Variants in ANKRD1 observed in about 807,000 individuals in gnomAD.
ANKRD1 encodes ankyrin repeat domain 1.
In ANKRD1, 32 loss-of-function variants were observed where a neutral mutation model predicts 40.1. The ratio of observed to expected loss-of-function variants is 0.80; its 90% CI spans 0.60 to 1.07. The LOEUF (loss-of-function observed/expected upper bound fraction) is 1.07. ANKRD1 is among the 50% of genes least tolerant of loss of function. ANKRD1 has a pLI of 0.00. For missense variants in ANKRD1, 359 were observed against 386.0 expected, an observed-to-expected ratio of 0.93 and a Z score of 0.59; for synonymous variants, 149 against 141.2, an observed-to-expected ratio of 1.06 and a Z score of -0.39.
At chr10:90,915,476 C>A in intron 8 of ANKRD1, 67 bp downstream of exon 8, 3 of 1,405,266 alleles carry the variant, frequency 2.1e-6, no homozygotes, top group South Asian at 1.2e-5. Flanking sequence ...AGTCGTTTCA[C>A]CTATTTAAGA....
intron 5 of ANKRD1, among the ~76,000 whole-genome samples, chr10:90,917,374 T>G (rs766782157): frequency 6.6e-6 from 1 of 152,264 alleles, no homozygotes; most frequent in Non-Finnish European, 1.5e-5. Flanking sequence ...AATTCGTATA[T>G]GTTGCTGGCA....
At chr10:90,917,923 C>T in intron 4 of ANKRD1, 93 bp from the exon 5 acceptor site, 4 of 1,010,706 alleles carry the variant, frequency 4.0e-6, no homozygotes, top group Non-Finnish European at 6.0e-6. Context: ...ATTCTGATGA[C>T]CTAACTGATA....
At position 90,915,557 on chromosome 10, in the gene ANKRD1, T is replaced by G; in HGVS notation, c.835A>C (p.Asn279His). 1.9e-6 allele frequency: 3 copies of G among 1,613,948 alleles called. No individual in the cohort carries two copies. The change falls in exon 8 of 9, where the codon AAC becomes CAC. Residue 279 changes from asparagine to histidine, a missense_variant. Transcript: ENST00000371697. ...CCAGTACTTACACAGTTCTTGATGTTGAGATCCGCGCCATACATAATCAGG... is the reference window on the plus strand; with the variant it reads ...CCAGTACTTACACAGTTCTTGATGTGGAGATCCGCGCCATACATAATCAGG... ...RLLIMYGADL[N>H]IKNCAGKTPM...
In ANKRD1 at chr10:90,918,991, AATATATATATATATAT is replaced by A. The variant is rs60406118; in HGVS notation, c.346-35_346-20del. The A allele has an allele frequency of 7.5e-6, 2 of 266,494 alleles. No homozygotes were observed. Among genetic ancestry groups the A allele is most frequent in the Non-Finnish European group, 9.6e-6 (2 of 208,068 alleles). 16.5% of individuals were successfully genotyped at this position (266,494 alleles called of 1,614,324 possible). A position where few individuals can be genotyped will look rare whatever the true frequency, so the allele number is the denominator to read the frequency against. On this transcript the variant is annotated intron_variant, in intron 3 of 8. Coordinates refer to ENST00000371697, the MANE Select transcript of ANKRD1 (RefSeq NM_014391.3). ...GTTCCGTCTAAAGCCAAAATAAATA[AATATATATATATATAT>A]ATATATATAGCATGAGAGTTACCGT...
intron 8 of ANKRD1, among the ~76,000 whole-genome samples, chr10:90,914,380 A>G (rs995909570): frequency 1.3e-5 from 2 of 152,130 alleles, no homozygotes; most frequent in Non-Finnish European, 2.9e-5. Context: ...TTTTCTGGCT[A>G]CTTACACAGT....
In ANKRD1 at chr10:90,918,969, C is replaced by T. The variant is rs1847400805; in HGVS notation, c.349G>A (p.Glu117Lys). ...AGAAACGTAGGCACATCCACAGGTT[C>T]CGTCTAAAGCCAAAATAAATAAATA... ...VKEPEPEIIT[E>K]PVDVPTFLKA... The change falls in exon 4 of 9, where the codon GAA (glutamate) becomes AAA (lysine). Residue 117 changes from glutamate (E) to lysine (K), a missense_variant. Coordinates refer to ENST00000371697, the MANE Select transcript of ANKRD1 (RefSeq NM_014391.3). The T allele has an allele frequency of 2.5e-6, 4 of 1,572,750 alleles. No individual in the cohort carries two copies. The African/African-American group carries it at 4.8e-5, about 19-fold the overall frequency.
chr10:90,912,822 A>G lies in ANKRD1; in HGVS notation c.*44T>C, dbSNP rs1367746486. The stretch of plus-strand genomic sequence containing the variant: ...GTCTCTTCTCTTGGGCCATGCCTTC[A>G]AAATGCCAGTGAACATTTACTGATT... On this transcript the variant is annotated 3_prime_UTR_variant, in exon 9 of 9. Coordinates refer to ENST00000371697, the MANE Select transcript of ANKRD1 (RefSeq NM_014391.3). 10 of 1,568,522 alleles carry G rather than the reference A, an allele frequency of 6.4e-6. No individual in the cohort carries two copies. The highest frequency in any genetic ancestry group is 8.8e-6 in the Non-Finnish European group (10 of 1,138,846).
chr10:90,919,014 A>ATATATATATATATATATG (rs753813796), intron 3 of ANKRD1, 42 bp from the exon 4 acceptor site: 7 of 1,459,370 alleles, frequency 4.8e-6, no homozygotes, highest in South Asian at 2.4e-5. Context: ...ATATATATAT[A>ATATATATATATATATATG]TAGCATGAGA....
intron 4 of ANKRD1, 108 bp downstream of exon 4, chr10:90,918,757 A>T: frequency 1.1e-6 from 1 of 927,136 alleles, no homozygotes; most frequent in Non-Finnish European, 1.7e-6. Flanking sequence ...AGCTGGGGAA[A>T]CTGTTTCAGG....
chr10:90,920,207 C>G lies in ANKRD1; in HGVS notation c.169G>C (p.Glu57Gln). 1 of 1,614,026 alleles carries G rather than the reference C, an allele frequency of 6.2e-7. No individual in the cohort carries two copies. Among genetic ancestry groups the G allele is most frequent in the Non-Finnish European group, 8.5e-7 (1 of 1,180,000 alleles). The part of the protein sequence containing the change: ...TLLAHPVTLG[E>Q]QQWKSEKQRE... ...TGTTTCTCGCTTTTCCACTGTTGCT[C>G]CCCCAGGGTCACAGGGTGGGCTAGA... The change falls in exon 2 of 9, where the codon GAG (glutamate) becomes CAG (glutamine). Residue 57 changes from glutamate to glutamine, a missense_variant. Transcript: ENST00000371697.
rs1005175222 is a variant in ANKRD1, at chr10:90,912,398, TC to T, written c.*467del. On this transcript the variant is annotated 3_prime_UTR_variant, in exon 9 of 9. Coordinates refer to ENST00000371697, the MANE Select transcript of ANKRD1 (RefSeq NM_014391.3). ...TTTCCTTCCATTGTTTCCTTTCCTG[TC>T]CCTACATGCCTTCCCTTGCTTCATT... The T allele has an allele frequency of 1.3e-5, 2 of 158,824 alleles. No homozygotes were observed. Among genetic ancestry groups the T allele is most frequent in the Non-Finnish European group, 2.8e-5 (2 of 72,148 alleles). 9.8% of individuals were successfully genotyped at this position (158,824 alleles called of 1,614,324 possible).
At position 90,920,835 on chromosome 10, in the gene ANKRD1, AT is replaced by A. The variant is rs144975490; in HGVS notation, c.27+165del. ...CAGAGAATTCATTACTGGTAGCTCC[AT>A]TTTTTTTTTCCAATTTCACTTGTTT... On this transcript the variant is annotated intron_variant, in intron 1 of 8. Coordinates refer to ENST00000371697, the MANE Select transcript of ANKRD1 (RefSeq NM_014391.3). Among the ~76,000 whole-genome samples, 2,856 of 149,950 alleles carry A rather than the reference AT, an allele frequency of 0.019. 96 individuals are homozygous for A. The highest frequency in any genetic ancestry group is 0.064 in the African/African-American group (2,634 of 40,924).
chr10:90,919,494 G>A (rs1403919425), intron 2 of ANKRD1, among the ~76,000 whole-genome samples: 1 of 152,118 alleles, frequency 6.6e-6, no homozygotes, highest in Non-Finnish European at 1.5e-5. Context: ...TACTTCTGTT[G>A]CTTGTAGAAT....
intron 8 of ANKRD1, among the ~76,000 whole-genome samples, chr10:90,914,092 A>G (rs1847344219): frequency 6.6e-6 from 1 of 152,172 alleles, no homozygotes; most frequent in African/African-American, 2.4e-5. Context: ...CCACCTCTGT[A>G]GTGTCTTTCT....
intron 8 of ANKRD1, among the ~76,000 whole-genome samples, chr10:90,914,943 T>C (rs893401636): frequency 6.6e-6 from 1 of 151,998 alleles, no homozygotes; most frequent in Non-Finnish European, 1.5e-5. Flanking sequence ...GGCCTAAATA[T>C]AGGAAATTAT....
chr10:90,919,341 A>T (rs1847409127), intron 2 of ANKRD1, 73 bp from the exon 3 acceptor site: 3 of 1,369,288 alleles, frequency 2.2e-6, no homozygotes, highest in Admixed American at 3.7e-5. Flanking sequence ...TCTAAACTAA[A>T]TCTGCAAGGT....
intron 8 of ANKRD1, 101 bp from the exon 9 acceptor site, chr10:90,913,077 A>G: frequency 1.8e-6 from 2 of 1,093,208 alleles, no homozygotes; most frequent in South Asian, 2.5e-5. Context: ...GGTATATGTT[A>G]TAACAGTGTT....
intron 4 of ANKRD1, 127 bp downstream of exon 4, chr10:90,918,738 C>T (rs191186459): frequency 3.0e-5 from 24 of 798,778 alleles, no homozygotes; most frequent in South Asian, 1.3e-4. Flanking sequence ...TCCTGGCATA[C>T]ACAGCAACAG....
Position 90,919,970 on chromosome 10 carries a change from T to G in ANKRD1, c.207+199A>C, listed in dbSNP as rs1002415720. Among the ~76,000 whole-genome samples the G allele has an allele frequency of 1.3e-5, 2 of 152,234 alleles. 1 individual carries two copies. Among genetic ancestry groups the G allele is most frequent in the South Asian group, 4.1e-4 (2 of 4,830 alleles). ...TGGTCACAGCACATTTATTCATTGA[T>G]TCAGAATTCAGAGGTCATAGTCTTG... On this transcript the variant is annotated intron_variant, in intron 2 of 8. Coordinates refer to ENST00000371697, the MANE Select transcript of ANKRD1 (RefSeq NM_014391.3).
Sources: allele counts gnomAD v4.1 joint callset (sites outside exome capture counted in the v4.1 genomes callset), GRCh38; gene constraint gnomAD v4.1.1; transcripts MANE v1.5; gene names NCBI Gene and HGNC (gene_info 2026-07-23, HGNC 2026-07-21).